SDK1: variants seen among roughly 807,000 people sequenced by gnomAD.
The protein encoded by SDK1 is sidekick cell adhesion molecule 1.
A neutral mutation model predicts 245.5 loss-of-function variants in SDK1; 157 were observed. The observed-to-expected ratio is 0.64, with a 90% CI of 0.56 to 0.73. The LOEUF is 0.73. Among genes scored for constraint, SDK1 ranks in the 30% least tolerant of loss-of-function variants. The pLI is 0.00. For missense variants in SDK1, 3,583 were observed against 3,002.3 expected (o/e 1.19, Z -4.52); for synonymous variants, 1,647 against 1,278.5 (o/e 1.29, Z -6.15).
chr7:3,993,706 A>G (rs1044643633), intron 14 of SDK1, among the ~76,000 whole-genome samples: 2 of 152,166 alleles, frequency 1.3e-5, no homozygotes, highest in East Asian at 1.9e-4. Context: ...TTCCTCCAGG[A>G]CTTGGCTCCC....
chr7:3,980,993 C>T (rs1425131725), intron 13 of SDK1, among the ~76,000 whole-genome samples: 3 of 152,178 alleles, frequency 2.0e-5, no homozygotes, highest in East Asian at 1.9e-4. Flanking sequence ...GAATAAGGCA[C>T]GCCATCTTCT....
At chr7:3,581,922 C>T (rs907706250) in intron 1 of SDK1, among the ~76,000 whole-genome samples, 5 of 152,236 alleles carry the variant, frequency 3.3e-5, no homozygotes, top group African/African-American at 7.2e-5. Context: ...CACATATTCT[C>T]GTCAGTGGGA....
chr7:3,491,695 T>C (rs1207203969), intron 1 of SDK1, among the ~76,000 whole-genome samples: 2 of 152,214 alleles, frequency 1.3e-5, no homozygotes, highest in South Asian at 2.1e-4. Flanking sequence ...GCTAGAACTT[T>C]AGCTATTGTC....
chr7:3,705,741 T>A (rs1784869385), intron 4 of SDK1, among the ~76,000 whole-genome samples: 1 of 152,000 alleles, frequency 6.6e-6, no homozygotes, highest in African/African-American at 2.4e-5. Context: ...TTGGGTGCCC[T>A]TTAATTTTTT....
In SDK1 at chr7:4,247,966, G is replaced by T. The variant is rs892473325; in HGVS notation, c.6381+2161G>T. On this transcript the variant is annotated intron_variant, in intron 44 of 44. Transcript: ENST00000404826. ...GGTGTGTCCTAGAGCAGGCGGGCAG[G>T]ATTGGATCTGTGAACTCTGAATATT... Among the ~76,000 whole-genome samples, 18 of 152,284 alleles carry T rather than the reference G, an allele frequency of 1.2e-4. No homozygotes were observed. The East Asian group carries it at 3.5e-3, about 29-fold the overall frequency.
intron 34 of SDK1, 90 bp from the exon 35 acceptor site, chr7:4,178,395 C>G: frequency 1.1e-6 from 1 of 930,468 alleles, no homozygotes; most frequent in Non-Finnish European, 1.8e-6. Context: ...GGAGGGTGCT[C>G]CTTGCTTCAT....
chr7:4,026,206 C>G lies in SDK1; in HGVS notation c.2602+8854C>G, dbSNP rs1233723187. ...GAGTGGAAGAGAAACCACAAACATG[C>G]AATTTTCAGATGCGGAGAATGCAGA... is the stretch of plus-strand genomic sequence containing the variant. On this transcript the variant is annotated intron_variant, in intron 17 of 44. Transcript: ENST00000404826. This position sits in a 1 kb window ranked among gnomAD's most constrained non-coding sequence, Gnocchi z 4.1. Among the ~76,000 whole-genome samples, 1 of 152,114 alleles carries G rather than the reference C, an allele frequency of 6.6e-6. No homozygotes were observed. The highest frequency in any genetic ancestry group is 2.4e-5 in the African/African-American group (1 of 41,426).
intron 1 of SDK1, among the ~76,000 whole-genome samples, chr7:3,421,232 C>T (rs903390886): frequency 8.6e-5 from 13 of 151,854 alleles, no homozygotes; most frequent in African/African-American, 2.9e-4. Flanking sequence ...CCACCACGCC[C>T]AGCTAATTTT....
chr7:3,561,490 C>G (rs1779749044), intron 1 of SDK1, among the ~76,000 whole-genome samples: 1 of 152,186 alleles, frequency 6.6e-6, no homozygotes, highest in South Asian at 2.1e-4. Context: ...CATAAGCTTT[C>G]TCATGAGCAC....
intron 28 of SDK1, among the ~76,000 whole-genome samples, chr7:4,144,226 A>C (rs901947731): frequency 6.6e-6 from 1 of 152,150 alleles, no homozygotes; most frequent in Non-Finnish European, 1.5e-5. Context: ...ACAGGAGTCT[A>C]GCAGGGACAC....
intron 4 of SDK1, among the ~76,000 whole-genome samples, chr7:3,644,370 C>A (rs1782754970): frequency 6.6e-6 from 1 of 151,384 alleles, no homozygotes; most frequent in Non-Finnish European, 1.5e-5. Flanking sequence ...ACTTAGGTAT[C>A]CACCTTTATA....
chr7:4,169,041 G>A (rs1039704539), intron 32 of SDK1, among the ~76,000 whole-genome samples: 4 of 152,148 alleles, frequency 2.6e-5, no homozygotes, highest in Non-Finnish European at 5.9e-5. Context: ...CTGGGTGAGA[G>A]CCATTAGCGG....
intron 5 of SDK1, among the ~76,000 whole-genome samples, chr7:3,851,813 T>C (rs1329783765): frequency 6.6e-6 from 1 of 152,032 alleles, no homozygotes; most frequent in Non-Finnish European, 1.5e-5. Flanking sequence ...GCTTCAGACA[T>C]CCCTAGAGGA....
intron 4 of SDK1, among the ~76,000 whole-genome samples, chr7:3,799,531 C>T (rs539228329): frequency 2.6e-5 from 4 of 151,540 alleles, no homozygotes; most frequent in East Asian, 2.0e-4. Context: ...GGTGAAACCC[C>T]GTCTCTACTA....
intron 25 of SDK1, among the ~76,000 whole-genome samples, chr7:4,121,112 A>T (rs373085197): frequency 1.3e-5 from 2 of 152,204 alleles, no homozygotes; most frequent in African/African-American, 4.8e-5. Flanking sequence ...TTTTTCAGAC[A>T]ATCTTGTATC....
intron 5 of SDK1, among the ~76,000 whole-genome samples, chr7:3,875,514 C>T (rs73312065): frequency 0.022 from 3,288 of 152,324 alleles, 117 homozygotes; most frequent in African/African-American, 0.068. Context: ...CCTATGCAAT[C>T]GTGTGTCAAG....
intron 1 of SDK1, among the ~76,000 whole-genome samples, chr7:3,549,016 C>A (rs190859978): frequency 1.3e-5 from 2 of 152,208 alleles, no homozygotes; most frequent in East Asian, 3.8e-4. Context: ...GAGGCGCCCC[C>A]CTTCCTCCTG....
intron 4 of SDK1, among the ~76,000 whole-genome samples, chr7:3,676,244 C>G (rs148046390): frequency 6.6e-6 from 1 of 152,044 alleles, no homozygotes; most frequent in Non-Finnish European, 1.5e-5. Flanking sequence ...GTCTCAAACT[C>G]CTGGGCTCAA....
At chr7:4,015,127 C>G (rs756445357) in intron 16 of SDK1, among the ~76,000 whole-genome samples, 36 of 152,044 alleles carry the variant, frequency 2.4e-4, no homozygotes, top group African/African-American at 8.5e-4. Context: ...TTCAGTGTCT[C>G]CTTTGACTCT....
Sources: allele counts gnomAD v4.1 joint callset (sites outside exome capture counted in the v4.1 genomes callset), GRCh38; gene constraint gnomAD v4.1.1; non-coding constraint Gnocchi (gnomAD v3.1); transcripts MANE v1.5; gene names NCBI Gene and HGNC (gene_info 2026-07-23, HGNC 2026-07-21).